OXNAD1: variants seen among roughly 807,000 people sequenced by gnomAD.
The protein encoded by OXNAD1 is oxidoreductase NAD binding domain containing 1.
Under a neutral mutation model 32.9 loss-of-function variants are expected in OXNAD1, and 34 were observed. The observed-to-expected ratio is 1.03, with a 90% CI of 0.79 to 1.38. The LOEUF is 1.38. OXNAD1 is among the 40% of genes most tolerant of loss of function. The probability of loss-of-function intolerance (pLI) is 0.00; values close to 1 mark genes in which losing one functional copy is unlikely to be tolerated. For missense variants in OXNAD1, 407 were observed against 379.4 expected (o/e 1.07, Z -0.60); for synonymous variants, 134 against 135.2 (o/e 0.99, Z 0.06).
Position 16,345,817 on chromosome 3 carries a change from T to TGTGCGC in OXNAD1, c.*31-3358_*31-3357insTGCGCG, listed in dbSNP as rs1160939614. ...GTGTGTGTGTGTGTGTGTGTGTGTG[T>TGTGCGC]GCGCGCGCGCGTGCGCGCACGCGCA... On this transcript the variant is annotated intron_variant, in intron 9 of 9. Coordinates refer to the OXNAD1 transcript ENST00000606098. The surrounding 1 kb of genome is among the most constrained non-coding windows in gnomAD (Gnocchi z 5.2). Among the ~76,000 whole-genome samples the TGTGCGC allele has an allele frequency of 4.0e-5, 3 of 74,618 alleles. No individual in the cohort carries two copies. Among genetic ancestry groups the TGTGCGC allele is most frequent in the Admixed American group, 1.2e-4 (1 of 8,364 alleles). 49.0% of individuals were successfully genotyped at this position (74,618 alleles called of 152,430 possible). A position where few individuals can be genotyped will look rare whatever the true frequency, so the allele number is the denominator to read the frequency against.
chr3:16,313,198 C>A (rs1236501766), intron 9 of OXNAD1, among the ~76,000 whole-genome samples: 2 of 104,776 alleles, frequency 1.9e-5, no homozygotes, highest in Non-Finnish European at 3.8e-5. Flanking sequence ...ACCACCACAC[C>A]CAGCGGATTT....
intron 9 of OXNAD1, among the ~76,000 whole-genome samples, chr3:16,323,127 A>G (rs969317397): frequency 2.6e-5 from 4 of 152,146 alleles, no homozygotes; most frequent in African/African-American, 7.2e-5. Context: ...TGAAGCCTCC[A>G]GAAGAGCCTC....
chr3:16,335,871 A>G lies in OXNAD1; in HGVS notation c.*31-1241A>G, dbSNP rs937911747. ...CTGGAAACTGGATGGATGGATGGTGAGGTCTCAGGAGGCCACAGGCAGGAC... is the reference window on the plus strand; with the variant it reads ...CTGGAAACTGGATGGATGGATGGTGGGGTCTCAGGAGGCCACAGGCAGGAC... On this transcript the variant is annotated intron_variant, in intron 9 of 9. Coordinates refer to the OXNAD1 transcript ENST00000435829. The surrounding 1 kb of genome is among the most constrained non-coding windows in gnomAD (Gnocchi z 4.7). Among the ~76,000 whole-genome samples, 24 of 151,704 alleles carry G rather than the reference A, an allele frequency of 1.6e-4. No individual in the cohort carries two copies. Among genetic ancestry groups the G allele is most frequent in the African/African-American group, 5.8e-4 (24 of 41,216 alleles).
rs1361840300 is a variant in OXNAD1, at chr3:16,321,842, C to G, written c.*31-15270C>G. Among the ~76,000 whole-genome samples, 1 of 152,182 alleles carries G rather than the reference C, an allele frequency of 6.6e-6. No homozygotes were observed. Among genetic ancestry groups the G allele is most frequent in the African/African-American group, 2.4e-5 (1 of 41,448 alleles). ...TTCAACCTTATTACAGCAGCTTTTA[C>G]AAATCTATCTCTAAAGTCTCCCTGC... On this transcript the variant is annotated intron_variant, in intron 9 of 9. Transcript: ENST00000435829. This position sits in a 1 kb window ranked among gnomAD's most constrained non-coding sequence, Gnocchi z 4.8.
intron 9 of OXNAD1, among the ~76,000 whole-genome samples, chr3:16,326,042 A>C (rs914644211): frequency 6.6e-6 from 1 of 152,238 alleles, no homozygotes; most frequent in Non-Finnish European, 1.5e-5. Flanking sequence ...TATGTGACCA[A>C]GCCTCCCCTA....
intron 9 of OXNAD1, among the ~76,000 whole-genome samples, chr3:16,343,353 T>TC (rs1406990262): frequency 1.3e-5 from 2 of 152,192 alleles, no homozygotes; most frequent in African/African-American, 4.8e-5. Context: ...ACCTAGTTTT[T>TC]CCCTTACAAT....
intron 9 of OXNAD1, among the ~76,000 whole-genome samples, chr3:16,325,696 G>T (rs1454265788): frequency 6.6e-6 from 1 of 152,182 alleles, no homozygotes; most frequent in Non-Finnish European, 1.5e-5. Flanking sequence ...CTCAAAAGTG[G>T]CCGCAGACTG....
downstream of OXNAD1, among the ~76,000 whole-genome samples, chr3:16,338,603 A>T (rs149736244): frequency 2.4e-3 from 359 of 152,330 alleles, 2 homozygotes; most frequent in African/African-American, 7.9e-3. This position sits in a 1 kb window ranked among gnomAD's most constrained non-coding sequence, Gnocchi z 5.3. Flanking sequence ...CTCCATCCAG[A>T]GACTTGCCAG....
Position 16,320,281 on chromosome 3 carries a change from C to A in OXNAD1, c.*30+16689C>A, listed in dbSNP as rs930941569. 3.3e-5 allele frequency among the ~76,000 whole-genome samples: 5 copies of A among 152,192 alleles called. No homozygotes were observed. The highest frequency in any genetic ancestry group is 5.9e-5 in the Non-Finnish European group (4 of 68,034). ...CACGCACGTACACAGAGGTTTCTTT[C>A]CAATGCTGAAAAGTCCTGATTAGAA... is the stretch of plus-strand genomic sequence containing the variant. On this transcript the variant is annotated intron_variant, in intron 9 of 9. Coordinates refer to the OXNAD1 transcript ENST00000435829. This position sits in a 1 kb window ranked among gnomAD's most constrained non-coding sequence, Gnocchi z 4.5.
intron 9 of OXNAD1, chr3:16,315,741 A>G (rs1559791847): frequency 6.6e-6 from 1 of 152,206 alleles, no homozygotes; most frequent in Non-Finnish European, 1.5e-5. Flanking sequence ...CCACGTCATC[A>G]TGCTGCCAGG....
At position 16,320,330 on chromosome 3, in the gene OXNAD1, AAAG is replaced by A. The variant is rs1258232124; in HGVS notation, c.*30+16743_*30+16745del. On this transcript the variant is annotated intron_variant, in intron 9 of 9. Transcript: ENST00000435829. The surrounding 1 kb of genome is among the most constrained non-coding windows in gnomAD (Gnocchi z 4.5). ...AAAAATCTATCCATGTTGCTGATTA[AAAG>A]AAGACTAAATATGCCACATCCTCGG... Among the ~76,000 whole-genome samples, 8 of 152,226 alleles carry A rather than the reference AAAG, an allele frequency of 5.3e-5. No individual in the cohort carries two copies. Among genetic ancestry groups the A allele is most frequent in the African/African-American group, 1.7e-4 (7 of 41,450 alleles).
rs2067423641 is a variant in OXNAD1, at chr3:16,304,729, G to T, written c.*1167G>T. 6.6e-6 allele frequency: 1 copy of T among 152,302 alleles called. No homozygotes were observed. Among genetic ancestry groups the T allele is most frequent in the African/African-American group, 2.4e-5 (1 of 41,438 alleles). 9.4% of individuals were successfully genotyped at this position (152,302 alleles called of 1,614,324 possible). ...AGGGTGAAGGGAGCCTGGGAAGAAGGACAGATAAGTGCTGGAGACCTAGGA... is the reference window on the plus strand; with the variant it reads ...AGGGTGAAGGGAGCCTGGGAAGAAGTACAGATAAGTGCTGGAGACCTAGGA... On this transcript the variant is annotated 3_prime_UTR_variant, in exon 9 of 9. Transcript: ENST00000285083. The surrounding 1 kb of genome is among the most constrained non-coding windows in gnomAD (Gnocchi z 4.6).
At position 16,287,945 on chromosome 3, in the gene OXNAD1, G is replaced by A. The variant is rs1357912429; in HGVS notation, c.290+1497G>A. Among the ~76,000 whole-genome samples, 2 of 152,146 alleles carry A rather than the reference G, an allele frequency of 1.3e-5. No individual in the cohort carries two copies. The highest frequency in any genetic ancestry group is 1.9e-4 in the East Asian group (1 of 5,192). On this transcript the variant is annotated intron_variant, in intron 5 of 8. Transcript: ENST00000285083. The surrounding 1 kb of genome is among the most constrained non-coding windows in gnomAD (Gnocchi z 4.8). ...TGCCTGTCAGACTTCTTCGGAGGTC[G>A]GACTTGGCGGGTAAGGATCACTGGC...
rs571095135 is a variant in OXNAD1, at chr3:16,335,624, G to A, written c.*31-1488G>A. Among the ~76,000 whole-genome samples the A allele has an allele frequency of 3.9e-4, 59 of 152,162 alleles. No homozygotes were observed. The highest frequency in any genetic ancestry group is 4.3e-4 in the Non-Finnish European group (29 of 68,030). On this transcript the variant is annotated intron_variant, in intron 9 of 9. Transcript: ENST00000435829. The surrounding 1 kb of genome is among the most constrained non-coding windows in gnomAD (Gnocchi z 4.7). Reference sequence around the variant, plus strand: ...GGAGCAACACACACTGGGACCTGTTGGAGGTGTGGGAGGAGGGAGAGCATC... The same window carrying A: ...GGAGCAACACACACTGGGACCTGTTAGAGGTGTGGGAGGAGGGAGAGCATC...
chr3:16,321,017 G>C lies in OXNAD1; in HGVS notation c.*31-16095G>C, dbSNP rs1417453890. On this transcript the variant is annotated intron_variant, in intron 9 of 9. Transcript: ENST00000435829. This position sits in a 1 kb window ranked among gnomAD's most constrained non-coding sequence, Gnocchi z 4.8. ...GCGAGTGATGGTAGAGAGAAGTGGA[G>C]GGATTCCAGAGCCTCCGGGACCTAA... Among the ~76,000 whole-genome samples, 1 of 152,184 alleles carries C rather than the reference G, an allele frequency of 6.6e-6. No homozygotes were observed. Among genetic ancestry groups the C allele is most frequent in the Non-Finnish European group, 1.5e-5 (1 of 68,034 alleles).
chr3:16,323,806 G>A (rs1223713372), intron 9 of OXNAD1, among the ~76,000 whole-genome samples: 1 of 152,194 alleles, frequency 6.6e-6, no homozygotes, highest in Admixed American at 6.5e-5. Flanking sequence ...TCTGTCTCTG[G>A]TAATGATGGG....
downstream of OXNAD1, among the ~76,000 whole-genome samples, chr3:16,337,650 G>A (rs981390158): frequency 1.3e-5 from 2 of 151,272 alleles, no homozygotes. This position sits in a 1 kb window ranked among gnomAD's most constrained non-coding sequence, Gnocchi z 5.0. Context: ...GCTGAGGCAG[G>A]AGAATCGCTT....
At position 16,346,928 on chromosome 3, in the gene OXNAD1, C is replaced by T. The variant is rs1182017677; in HGVS notation, c.*31-2248C>T. Among the ~76,000 whole-genome samples the T allele has an allele frequency of 6.6e-6, 1 of 152,122 alleles. No homozygotes were observed. Among genetic ancestry groups the T allele is most frequent in the African/African-American group, 2.4e-5 (1 of 41,418 alleles). On this transcript the variant is annotated intron_variant, in intron 9 of 9. Coordinates refer to the OXNAD1 transcript ENST00000606098. This position sits in a 1 kb window ranked among gnomAD's most constrained non-coding sequence, Gnocchi z 4.4. ...TGACAAAGCTGACTCTGCAACCTCCCCACCTTGCTCTAGACTTCCTGCTCA... is the reference window on the plus strand; with the variant it reads ...TGACAAAGCTGACTCTGCAACCTCCTCACCTTGCTCTAGACTTCCTGCTCA...
chr3:16,280,282 G>T lies in OXNAD1; in HGVS notation c.184-6060G>T, dbSNP rs1055809096. Among the ~76,000 whole-genome samples, 2 of 152,164 alleles carry T rather than the reference G, an allele frequency of 1.3e-5. No homozygotes were observed. Among genetic ancestry groups the T allele is most frequent in the African/African-American group, 4.8e-5 (2 of 41,434 alleles). On this transcript the variant is annotated intron_variant, in intron 4 of 8. Transcript: ENST00000285083. The surrounding 1 kb of genome is among the most constrained non-coding windows in gnomAD (Gnocchi z 4.5). Reference sequence around the variant, plus strand: ...GCTGGAGGGAAGGCTTGAGAAGACGGAGAGGAGACCAGCCCAGGTGGACAG... The same window carrying T: ...GCTGGAGGGAAGGCTTGAGAAGACGTAGAGGAGACCAGCCCAGGTGGACAG...
Sources: gnomAD v4.1 joint callset for allele counts (sites outside exome capture counted in the v4.1 genomes callset) on GRCh38, gnomAD v4.1.1 for gene constraint, Gnocchi (gnomAD v3.1) non-coding constraint, MANE v1.5 for transcripts, NCBI Gene and HGNC (gene_info 2026-07-23, HGNC 2026-07-21) for gene names.